PATJ: variants seen among roughly 807,000 people sequenced by gnomAD.
PATJ encodes inaD-like protein.
PATJ carries 190 observed loss-of-function variants against 224.9 expected under a neutral mutation model. That is an observed-to-expected ratio of 0.84 (90% CI 0.75 to 0.95). The LOEUF is 0.95. Ranked by LOEUF, PATJ falls within the 40% of genes least tolerant of loss-of-function variation. The pLI is 0.00. For synonymous variants in PATJ, 769 were observed against 820.3 expected, an observed-to-expected ratio of 0.94 and a Z score of 1.07; for missense variants, 2,121 against 2,270.3, an observed-to-expected ratio of 0.93 and a Z score of 1.34.
chr1:61,886,819 C>CAAAAAAAAAAAAAAAAAAAAAAAAAAAA lies in PATJ; in HGVS notation c.3131+2423_3131+2424insAAAAAAAAAAAAAAAAAAAAAAAAAAAA, dbSNP rs35950461. Among the ~76,000 whole-genome samples, 139 of 87,478 alleles carry CAAAAAAAAAAAAAAAAAAAAAAAAAAAA rather than the reference C, an allele frequency of 1.6e-3. 36 individuals are homozygous for CAAAAAAAAAAAAAAAAAAAAAAAAAAAA. Among genetic ancestry groups the CAAAAAAAAAAAAAAAAAAAAAAAAAAAA allele is most frequent in the African/African-American group, 3.5e-3 (87 of 24,976 alleles). 57.4% of individuals were successfully genotyped at this position (87,478 alleles called of 152,430 possible). On this transcript the variant is annotated intron_variant, in intron 22 of 43. Coordinates refer to ENST00000642238, the MANE Select transcript of PATJ (RefSeq NM_001350145.3). ...TGGGCAACAGAGCAAGACCCCATCT[C>CAAAAAAAAAAAAAAAAAAAAAAAAAAAA]AAAAAAAAAAAATTAGCCTGTTGTG... is the stretch of plus-strand genomic sequence containing the variant.
chr1:61,864,555 C>T lies in PATJ; in HGVS notation c.2757C>T (p.Ser919=), dbSNP rs770553684. 310 of 1,612,662 alleles carry T rather than the reference C, an allele frequency of 1.9e-4. No homozygotes were observed. Among genetic ancestry groups the T allele is most frequent in the South Asian group, 1.9e-3 (175 of 91,074 alleles). ...AGTGGTTGCATGATAATGAACCATCCGAGTCTCAAGAGGCAAGAACCGGGA... is the reference window on the plus strand; with the variant it reads ...AGTGGTTGCATGATAATGAACCATCTGAGTCTCAAGAGGCAAGAACCGGGA... The part of the protein sequence containing the change: ...GTQWLHDNEP[S]ESQEARTGRT... Residue 919 remains serine, a synonymous_variant, in exon 20 of 44, where the codon TCC becomes TCT. Transcript: ENST00000642238.
rs1358667868 is a variant in PATJ at position 62,054,278 on chromosome 1, A to G, written c.4125+3220A>G. Reference sequence around the variant, plus strand: ...CTCAAGAGGCTGAAGTGGGAGGATTACTTGGACCTGGGAGGTTGAGGTGGC... The same window carrying G: ...CTCAAGAGGCTGAAGTGGGAGGATTGCTTGGACCTGGGAGGTTGAGGTGGC... On this transcript the variant is annotated intron_variant, in intron 31 of 43. Coordinates refer to ENST00000642238, the MANE Select transcript of PATJ (RefSeq NM_001350145.3). 5 of 389,786 alleles carry G rather than the reference A, an allele frequency of 1.3e-5. No homozygotes were observed. In the East Asian group the frequency reaches 4.1e-4, roughly 32 times the overall value. 24.1% of individuals were successfully genotyped at this position (389,786 alleles called of 1,614,324 possible).
chr1:62,158,020 TTA>T (rs1669422568), intron 43 of PATJ, among the ~76,000 whole-genome samples: 1 of 148,692 alleles, frequency 6.7e-6, no homozygotes, highest in African/African-American at 2.4e-5. Context: ...GTGTTTTATT[TTA>T]TTATATTACC....
chr1:61,768,331 G>C (rs899628658), intron 4 of PATJ, among the ~76,000 whole-genome samples: 2 of 152,020 alleles, frequency 1.3e-5, no homozygotes, highest in African/African-American at 2.4e-5. Flanking sequence ...TTAGCCAGGC[G>C]TGGTGGCTGG....
chr1:62,155,215 C>G (rs938527999), intron 43 of PATJ, among the ~76,000 whole-genome samples: 8 of 152,160 alleles, frequency 5.3e-5, no homozygotes, highest in African/African-American at 1.9e-4. Context: ...CCACAAAGCT[C>G]CTCCAGAATG....
At chr1:61,899,863 T>C (rs1670882042) in intron 23 of PATJ, among the ~76,000 whole-genome samples, 2 of 152,240 alleles carry the variant, frequency 1.3e-5, no homozygotes, top group Admixed American at 6.5e-5. Context: ...AGGAACATCT[T>C]TGATACTCTT....
intron 27 of PATJ, among the ~76,000 whole-genome samples, chr1:61,964,331 C>T (rs1681757024): frequency 6.6e-6 from 1 of 152,058 alleles, no homozygotes; most frequent in Non-Finnish European, 1.5e-5. Context: ...AACCTCCCAC[C>T]TCAGCCTCCC....
At chr1:61,787,253 A>T (rs1409571937) in intron 7 of PATJ, among the ~76,000 whole-genome samples, 1 of 152,196 alleles carries the variant, frequency 6.6e-6, no homozygotes, top group East Asian at 1.9e-4. Context: ...TGAAAAGAAG[A>T]TGCCCTATAC....
chr1:62,012,511 A>G (rs1480018048), intron 28 of PATJ, among the ~76,000 whole-genome samples: 1 of 152,112 alleles, frequency 6.6e-6, no homozygotes, highest in African/African-American at 2.4e-5. Context: ...GACTTTCTAT[A>G]TCTGTTGTTT....
intron 27 of PATJ, among the ~76,000 whole-genome samples, chr1:61,938,587 C>G (rs1677254819): frequency 6.6e-6 from 1 of 152,126 alleles, no homozygotes; most frequent in African/African-American, 2.4e-5. Context: ...TGGTGGCTCA[C>G]ACCTGTAATT....
intron 1 of PATJ, among the ~76,000 whole-genome samples, chr1:61,755,201 C>T (rs1202926923): frequency 2.0e-5 from 3 of 150,346 alleles, no homozygotes; most frequent in Non-Finnish European, 3.0e-5. Context: ...CCCAGCTACT[C>T]GGGAGGCTGA....
chr1:61,816,392 AG>A (rs1184574384), intron 14 of PATJ: 1 of 152,198 alleles, frequency 6.6e-6, no homozygotes. Context: ...GCAGCTAGTA[AG>A]GGGGTGGAAT....
chr1:61,917,555 T>C (rs1165960331), intron 26 of PATJ, among the ~76,000 whole-genome samples: 2 of 152,220 alleles, frequency 1.3e-5, no homozygotes, highest in Admixed American at 6.5e-5. Flanking sequence ...CAATCTTGAA[T>C]TACTGGAATG....
At chr1:62,113,437 GGC>G (rs1664090592) in intron 34 of PATJ, among the ~76,000 whole-genome samples, 2 of 152,258 alleles carry the variant, frequency 1.3e-5, no homozygotes, top group Admixed American at 1.3e-4. Context: ...AGGAGTTTGA[GGC>G]CAGCCTGGGC....
intron 26 of PATJ, among the ~76,000 whole-genome samples, chr1:61,926,125 G>A (rs35814605): frequency 0.15 from 22,829 of 152,194 alleles, 2,213 homozygotes; most frequent in Non-Finnish European, 0.21. Flanking sequence ...TCCCAGGACT[G>A]TTCTCAGAGT....
At chr1:62,026,854 T>G (rs1648045346) in intron 29 of PATJ, among the ~76,000 whole-genome samples, 1 of 152,180 alleles carries the variant, frequency 6.6e-6, no homozygotes, top group Non-Finnish European at 1.5e-5. Context: ...GCAACTCTAC[T>G]TGTGGAGTAT....
intron 30 of PATJ, among the ~76,000 whole-genome samples, chr1:62,046,943 T>G (rs1013814389): frequency 5.3e-5 from 8 of 152,204 alleles, no homozygotes; most frequent in African/African-American, 1.9e-4. Context: ...TTTCTTAAAT[T>G]TTACAGGTTG....
intron 24 of PATJ, among the ~76,000 whole-genome samples, chr1:61,902,713 G>A (rs1671358310): frequency 6.6e-6 from 1 of 152,098 alleles, no homozygotes; most frequent in African/African-American, 2.4e-5. Context: ...CATGATAGTG[G>A]GAATGGGGGA....
At chr1:61,796,089 A>G (rs1651034794) in intron 10 of PATJ, among the ~76,000 whole-genome samples, 1 of 152,218 alleles carries the variant, frequency 6.6e-6, no homozygotes, top group Non-Finnish European at 1.5e-5. Context: ...ATGTCTATAC[A>G]TATGTATACA....
Sources: gnomAD v4.1 joint callset for allele counts (sites outside exome capture counted in the v4.1 genomes callset) on GRCh38, gnomAD v4.1.1 for gene constraint, MANE v1.5 for transcripts, NCBI Gene and HGNC (gene_info 2026-07-23, HGNC 2026-07-21) for gene names.